The following CDC45 variants were observed in gnomAD, a reference collection of about 807,000 sequenced individuals.
CDC45 encodes the protein cell division control protein 45 homolog.
A neutral mutation model predicts 77.8 loss-of-function variants in CDC45; 54 were observed. The ratio of observed to expected loss-of-function variants is 0.69; its 90% CI spans 0.56 to 0.87. CDC45 has a LOEUF of 0.87. Among genes scored for constraint, CDC45 ranks in the 40% least tolerant of loss-of-function variants. The probability of loss-of-function intolerance (pLI) is 0.00; values close to 1 mark genes in which losing one functional copy is unlikely to be tolerated. For missense variants in CDC45, 649 were observed against 721.6 expected (o/e 0.90, Z 1.15); for synonymous variants, 260 against 272.1 (o/e 0.96, Z 0.44).
intron 9 of CDC45, among the ~76,000 whole-genome samples, chr22:19,499,901 T>C (rs13447233): frequency 0.016 from 2,471 of 152,268 alleles, 20 homozygotes; most frequent in Non-Finnish European, 0.027. Context: ...CAGCCTCCAA[T>C]TGGGTGCTGG....
At position 19,479,980 on chromosome 22, in the gene CDC45, C is replaced by G; in HGVS notation, c.12C>G (p.Ser4=). 1 of 1,613,782 alleles carries G rather than the reference C, an allele frequency of 6.2e-7. No homozygotes were observed. The highest frequency in any genetic ancestry group is 8.5e-7 in the Non-Finnish European group (1 of 1,180,032). The change falls in exon 1 of 19, where the codon TCC becomes TCG. Residue 4 remains serine, a synonymous_variant. Transcript: ENST00000263201. MFV[S]DFRKEFYEVV... is the part of the protein sequence containing the mutation. ...CGGCCGCCGTGGCTATGTTCGTGTC[C>G]GATTTCCGCAAAGAGTTCTACGAGG...
At chr22:19,504,425 A>C (rs1040371873) in intron 9 of CDC45, among the ~76,000 whole-genome samples, 13 of 152,028 alleles carry the variant, frequency 8.6e-5, no homozygotes, top group African/African-American at 2.9e-4. Flanking sequence ...TCACCCTCCC[A>C]AGTAGCTGGG....
At chr22:19,491,718 T>C (rs1214488460) in intron 5 of CDC45, among the ~76,000 whole-genome samples, 2 of 152,138 alleles carry the variant, frequency 1.3e-5, no homozygotes, top group East Asian at 1.9e-4. Context: ...TTTCTCTTAT[T>C]TTTTTGAGAC....
At chr22:19,493,677 C>T (rs974869541) in intron 5 of CDC45, among the ~76,000 whole-genome samples, 1 of 152,114 alleles carries the variant, frequency 6.6e-6, no homozygotes, top group African/African-American at 2.4e-5. Flanking sequence ...CTCCTGACCT[C>T]ATGTGATCCG....
intron 8 of CDC45, 144 bp downstream of exon 8, chr22:19,497,591 G>A (rs2090265606): frequency 2.9e-6 from 2 of 688,264 alleles, no homozygotes; most frequent in South Asian, 3.4e-5. Context: ...GTATGTGTGT[G>A]ATTTTGGTCT....
chr22:19,508,774 G>A (rs1455700450), intron 13 of CDC45, 83 bp downstream of exon 13: 6 of 1,362,606 alleles, frequency 4.4e-6, no homozygotes, highest in Non-Finnish European at 6.1e-6. Context: ...GGGGACCCCA[G>A]GGCTGTGGGA....
At chr22:19,515,561 C>T (rs570410258) in intron 15 of CDC45, among the ~76,000 whole-genome samples, 79 of 152,288 alleles carry the variant, frequency 5.2e-4, no homozygotes, top group Non-Finnish European at 1.0e-3. Context: ...TCCTCTGCTT[C>T]GAGGATGAGA....
intron 18 of CDC45, 139 bp downstream of exon 18, chr22:19,519,048 A>G (rs1243652271): frequency 1.1e-5 from 8 of 703,926 alleles, no homozygotes; most frequent in Non-Finnish European, 1.8e-5. Context: ...TGGAGCCAAC[A>G]CATTTTTCCC....
intron 9 of CDC45, 92 bp from the exon 10 acceptor site, chr22:19,505,270 G>C (rs1027454414): frequency 6.0e-6 from 9 of 1,491,372 alleles, no homozygotes. Context: ...AGGCCCCTGA[G>C]GAAGGCCTTG....
chr22:19,488,306 G>T (rs1328396787), intron 5 of CDC45, among the ~76,000 whole-genome samples: 2 of 152,260 alleles, frequency 1.3e-5, no homozygotes, highest in African/African-American at 4.8e-5. Context: ...TTTGGGCAGA[G>T]CCCAGTGAGG....
chr22:19,498,532 G>T (rs1052148213), intron 8 of CDC45, among the ~76,000 whole-genome samples: 3 of 152,232 alleles, frequency 2.0e-5, no homozygotes, highest in African/African-American at 7.2e-5. Context: ...TCAGGTAAAA[G>T]ATGAGCCTGA....
At chr22:19,497,474 G>A (rs1464711066) in intron 8 of CDC45, 27 bp downstream of exon 8, 1 of 1,604,374 alleles carries the variant, frequency 6.2e-7, no homozygotes, top group South Asian at 1.1e-5. Flanking sequence ...GCAGCTGTGT[G>A]GGAGTATTTG....
chr22:19,486,967 T>A (rs2090078503), intron 5 of CDC45, among the ~76,000 whole-genome samples: 1 of 148,066 alleles, frequency 6.8e-6, no homozygotes, highest in African/African-American at 2.5e-5. Flanking sequence ...TGAGCCACCG[T>A]GCCCGGCTGC....
At chr22:19,519,935 C>G (rs1934019959) in intron 18 of CDC45, among the ~76,000 whole-genome samples, 1 of 152,218 alleles carries the variant, frequency 6.6e-6, no homozygotes, top group Non-Finnish European at 1.5e-5. Flanking sequence ...GCCACCTAAT[C>G]AGGCTTAGCC....
At chr22:19,503,780 G>A (rs762859401) in intron 9 of CDC45, among the ~76,000 whole-genome samples, 32 of 152,142 alleles carry the variant, frequency 2.1e-4, no homozygotes, top group Non-Finnish European at 3.8e-4. Flanking sequence ...AAGAGGCCTC[G>A]AGACTTCAGA....
At chr22:19,497,307 T>G in intron 7 of CDC45, 79 bp from the exon 8 acceptor site, 1 of 1,372,978 alleles carries the variant, frequency 7.3e-7, no homozygotes, top group African/African-American at 1.4e-5. Flanking sequence ...CCCTTCTGGC[T>G]CAAGTCCAGT....
At chr22:19,488,735 CA>C (rs2090111133) in intron 5 of CDC45, among the ~76,000 whole-genome samples, 1 of 152,156 alleles carries the variant, frequency 6.6e-6, no homozygotes, top group Non-Finnish European at 1.5e-5. Flanking sequence ...ACCACCATCC[CA>C]CCATGATAGA....
In CDC45 at chr22:19,516,556, C is replaced by T. The variant is rs542125622; in HGVS notation, c.1470C>T (p.Pro490=). ...STKNRRCKLL[P]LVMAAPLSME... is the part of the protein sequence containing the mutation. ...AGAACCGGCGCTGCAAACTGCTGCC[C>T]CTGGTGATGGCTGCCCCCCTGAGCA... The change falls in exon 16 of 19, where the codon CCC becomes CCT. Residue 490 remains proline (P), a synonymous_variant. Transcript: ENST00000263201. 12 of 1,613,882 alleles carry T rather than the reference C, an allele frequency of 7.4e-6. No individual in the cohort carries two copies. Among genetic ancestry groups the T allele is most frequent in the Non-Finnish European group, 8.5e-6 (10 of 1,179,976 alleles).
chr22:19,505,468 T>C lies in CDC45; in HGVS notation c.811T>C (p.Ser271Pro). Reference protein sequence around the residue: ...NTLSVDCTRISFEYDLRLVLY... With the variant: ...NTLSVDCTRIPFEYDLRLVLY... ...ACTCTCCGTGGACTGCACACGGATCTCCTTTGAGTATGAGTATCCTTGTGG... is the reference window on the plus strand; with the variant it reads ...ACTCTCCGTGGACTGCACACGGATCCCCTTTGAGTATGAGTATCCTTGTGG... The change falls in exon 10 of 19, where the codon TCC becomes CCC. Residue 271 changes from serine to proline, a missense_variant. Transcript: ENST00000263201. The C allele has an allele frequency of 1.2e-6, 2 of 1,614,004 alleles. No individual in the cohort carries two copies. The highest frequency in any genetic ancestry group is 8.5e-7 in the Non-Finnish European group (1 of 1,179,922).
Sources: gnomAD v4.1 joint callset for allele counts (sites outside exome capture counted in the v4.1 genomes callset) on GRCh38, gnomAD v4.1.1 for gene constraint, MANE v1.5 for transcripts, NCBI Gene and HGNC (gene_info 2026-07-23, HGNC 2026-07-21) for gene names.